ARHGAP15: variants seen among roughly 807,000 people sequenced by gnomAD.
ARHGAP15 encodes rho GTPase-activating protein 15.
ARHGAP15 carries 51 observed loss-of-function variants against 63.7 expected under a neutral mutation model. The ratio of observed to expected loss-of-function variants is 0.80; its 90% CI spans 0.64 to 1.01. The LOEUF is 1.01. Ranked by LOEUF, ARHGAP15 falls within the 50% of genes least tolerant of loss-of-function variation. The pLI is 0.00. For synonymous variants in ARHGAP15, 191 were observed against 193.8 expected (o/e 0.99, Z 0.12); for missense variants, 560 against 564.6 (o/e 0.99, Z 0.08).
In ARHGAP15 at chr2:143,461,767, C is replaced by T. The variant is rs146182490; in HGVS notation, c.703+24725C>T. On this transcript the variant is annotated intron_variant, in intron 8 of 13. Transcript: ENST00000295095. Reference sequence around the variant, plus strand: ...ACCGTAGGTGCTAATCCTGTTTCTGCAGTTGTCTGTAAATAGAATTCCCCT... The same window carrying T: ...ACCGTAGGTGCTAATCCTGTTTCTGTAGTTGTCTGTAAATAGAATTCCCCT... Among the ~76,000 whole-genome samples the T allele has an allele frequency of 5.9e-4, 90 of 152,254 alleles. 1 individual carries two copies. Among genetic ancestry groups the T allele is most frequent in the Non-Finnish European group, 1.1e-3 (77 of 68,008 alleles).
intron 2 of ARHGAP15, among the ~76,000 whole-genome samples, chr2:143,180,268 C>A (rs979496692): frequency 6.6e-6 from 1 of 152,190 alleles, no homozygotes; most frequent in African/African-American, 2.4e-5. Context: ...GTCGTTCCAG[C>A]GACATTCACG....
intron 7 of ARHGAP15, among the ~76,000 whole-genome samples, chr2:143,436,137 A>G (rs1223060482): frequency 6.6e-6 from 1 of 152,134 alleles, no homozygotes; most frequent in Non-Finnish European, 1.5e-5. Context: ...GCTAAGCTAG[A>G]TTGTTCTTCT....
intron 4 of ARHGAP15, among the ~76,000 whole-genome samples, chr2:143,225,891 G>T (rs1198078800): frequency 1.3e-5 from 2 of 152,130 alleles, no homozygotes; most frequent in Non-Finnish European, 2.9e-5. Flanking sequence ...GGAAAAAATC[G>T]AGATGAAAGA....
intron 8 of ARHGAP15, among the ~76,000 whole-genome samples, chr2:143,474,315 T>G (rs772588225): frequency 2.0e-4 from 30 of 152,202 alleles, no homozygotes; most frequent in Non-Finnish European, 5.9e-5. Flanking sequence ...CCCCCCACCC[T>G]TGAGGCATGT....
rs145428082 is a variant in ARHGAP15 at position 143,513,585 on chromosome 2, T to C, written c.827-5681T>C. 2.8e-3 allele frequency among the ~76,000 whole-genome samples: 424 copies of C among 152,350 alleles called. 2 individuals carry two copies. The highest frequency in any genetic ancestry group is 0.01 in the African/African-American group (418 of 41,586). The stretch of plus-strand genomic sequence containing the variant: ...TTCACTCCTCTACTGAAACCATTTT[T>C]CTTAAGGTCACTCATATCCTGAAAT... On this transcript the variant is annotated intron_variant, in intron 9 of 13. Transcript: ENST00000295095.
intron 13 of ARHGAP15, among the ~76,000 whole-genome samples, chr2:143,762,060 C>A (rs545558773): frequency 6.6e-6 from 1 of 152,074 alleles, no homozygotes; most frequent in Non-Finnish European, 1.5e-5. Context: ...AAATAAATAG[C>A]CTTTTTCAAG....
intron 6 of ARHGAP15, among the ~76,000 whole-genome samples, chr2:143,430,609 A>G (rs1020207159): frequency 3.9e-5 from 6 of 152,070 alleles, no homozygotes; most frequent in Non-Finnish European, 5.9e-5. Context: ...TATCATGTGT[A>G]TATTTTCTGC....
intron 10 of ARHGAP15, among the ~76,000 whole-genome samples, chr2:143,543,664 T>C (rs565546250): frequency 6.1e-4 from 92 of 152,048 alleles, no homozygotes; most frequent in Admixed American, 1.7e-3. Flanking sequence ...TATATAAATA[T>C]GTATGTGTAT....
intron 13 of ARHGAP15, among the ~76,000 whole-genome samples, chr2:143,730,818 GGT>G (rs1322869227): frequency 1.3e-5 from 2 of 149,226 alleles, no homozygotes; most frequent in Admixed American, 6.7e-5. Context: ...TTGTTTGGGT[GGT>G]GTGTGGGAAG....
chr2:143,138,838 G>T (rs956872037), intron 1 of ARHGAP15, among the ~76,000 whole-genome samples: 4 of 152,008 alleles, frequency 2.6e-5, no homozygotes, highest in African/African-American at 7.2e-5. Flanking sequence ...TTAATATTTT[G>T]GCATTTAATC....
chr2:143,178,893 G>A (rs1242930492), intron 2 of ARHGAP15, among the ~76,000 whole-genome samples: 5 of 152,218 alleles, frequency 3.3e-5, no homozygotes, highest in South Asian at 2.1e-4. Context: ...CTTGAGCACC[G>A]CTTTTCATCG....
At chr2:143,371,466 A>G (rs34878810) in intron 6 of ARHGAP15, among the ~76,000 whole-genome samples, 19,726 of 152,120 alleles carry the variant, frequency 0.13, 1,672 homozygotes, top group Non-Finnish European at 0.17. Flanking sequence ...TTATCCATCT[A>G]TCTGTCTGCC....
intron 10 of ARHGAP15, among the ~76,000 whole-genome samples, chr2:143,542,002 C>A (rs1030586428): frequency 6.6e-6 from 1 of 152,228 alleles, no homozygotes; most frequent in Non-Finnish European, 1.5e-5. Context: ...AGGCAGGCCT[C>A]CTTGAGCTGT....
At chr2:143,558,283 T>A (rs983109626) in intron 11 of ARHGAP15, among the ~76,000 whole-genome samples, 7 of 152,094 alleles carry the variant, frequency 4.6e-5, no homozygotes, top group Non-Finnish European at 1.0e-4. Flanking sequence ...CCTCCTATCT[T>A]TTCCTTCCCA....
chr2:143,510,865 CCTCT>C (rs1183008010), intron 9 of ARHGAP15, among the ~76,000 whole-genome samples: 1 of 152,144 alleles, frequency 6.6e-6, no homozygotes, highest in Non-Finnish European at 1.5e-5. Flanking sequence ...CTGCAATGGC[CCTCT>C]CTCCTGAAAG....
chr2:143,406,730 A>G (rs1196909224), intron 6 of ARHGAP15, among the ~76,000 whole-genome samples: 1 of 151,960 alleles, frequency 6.6e-6, no homozygotes, highest in African/African-American at 2.4e-5. Flanking sequence ...ATAATACATG[A>G]ATTTCATATT....
At chr2:143,246,010 A>C (rs1407633973) in intron 5 of ARHGAP15, among the ~76,000 whole-genome samples, 1 of 152,210 alleles carries the variant, frequency 6.6e-6, no homozygotes, top group Non-Finnish European at 1.5e-5. Flanking sequence ...AATGTGAATT[A>C]TTATTCTTGG....
intron 6 of ARHGAP15, among the ~76,000 whole-genome samples, chr2:143,363,168 C>A (rs1435263484): frequency 2.6e-5 from 4 of 152,306 alleles, no homozygotes; most frequent in African/African-American, 9.6e-5. Context: ...GCTGTGGCCA[C>A]ACTGGTCTTC....
intron 8 of ARHGAP15, among the ~76,000 whole-genome samples, chr2:143,454,422 A>G (rs571329129): frequency 6.6e-6 from 1 of 152,110 alleles, no homozygotes; most frequent in Non-Finnish European, 1.5e-5. Context: ...ATACAGTCTT[A>G]TGGGCAATCA....
Sources: gnomAD v4.1 joint callset for allele counts (sites outside exome capture counted in the v4.1 genomes callset) on GRCh38, gnomAD v4.1.1 for gene constraint, MANE v1.5 for transcripts, NCBI Gene and HGNC (gene_info 2026-07-23, HGNC 2026-07-21) for gene names.